Variants in NUDCD1 observed in about 807,000 individuals in gnomAD.
NUDCD1 encodes the protein NudC domain containing 1, also known as nudC domain-containing protein 1.
In NUDCD1, 60 loss-of-function variants were observed where a neutral mutation model predicts 67.8. That is an observed-to-expected ratio of 0.88 (90% CI 0.72 to 1.10). The LOEUF is 1.10. NUDCD1 is among the 50% of genes least tolerant of loss of function. The probability of loss-of-function intolerance (pLI) is 0.00; values close to 1 mark genes in which losing one functional copy is unlikely to be tolerated. For missense variants in NUDCD1, 643 were observed against 695.0 expected (o/e 0.93, Z 0.84); for synonymous variants, 244 against 230.8 (o/e 1.06, Z -0.52).
chr8:109,282,832 TAA>T lies in NUDCD1; in HGVS notation c.824-1662_824-1661del, dbSNP rs1563670805. Among the ~76,000 whole-genome samples, 5 of 139,938 alleles carry T rather than the reference TAA, an allele frequency of 3.6e-5. No homozygotes were observed. In the South Asian group the frequency reaches 1.1e-3, roughly 31 times the overall value. 91.8% of individuals were successfully genotyped at this position (139,938 alleles called of 152,430 possible). On this transcript the variant is annotated intron_variant, in intron 5 of 9. Coordinates refer to ENST00000239690, the MANE Select transcript of NUDCD1 (RefSeq NM_032869.4). ...TGTATCCCAGAACTTAAAAGTACAATAAAAAAATTCCAAAAAAAAAAAGAAAC... is the reference window on the plus strand; with the variant it reads ...TGTATCCCAGAACTTAAAAGTACAATAAAAATTCCAAAAAAAAAAAGAAAC...
intron 2 of NUDCD1, among the ~76,000 whole-genome samples, chr8:109,312,984 CCCT>C (rs1815291989): frequency 6.6e-6 from 1 of 152,190 alleles, no homozygotes; most frequent in South Asian, 2.1e-4. Context: ...GTCTAGTCTT[CCCT>C]CCTTCTAGGT....
intron 2 of NUDCD1, among the ~76,000 whole-genome samples, chr8:109,319,799 G>A (rs1472355311): frequency 6.6e-6 from 1 of 152,186 alleles, no homozygotes; most frequent in Non-Finnish European, 1.5e-5. Context: ...CATTTCATCA[G>A]GGAGCCTGCC....
intron 2 of NUDCD1, among the ~76,000 whole-genome samples, chr8:109,300,340 A>T (rs1167703549): frequency 1.2e-5 from 1 of 85,842 alleles, no homozygotes; most frequent in East Asian, 2.7e-4. Context: ...CAACGTAAGG[A>T]AACAAAAAAA....
chr8:109,266,588 T>C (rs1009698775), intron 8 of NUDCD1, among the ~76,000 whole-genome samples: 1 of 152,102 alleles, frequency 6.6e-6, no homozygotes, highest in African/African-American at 2.4e-5. Flanking sequence ...TTTCAAAATC[T>C]GGTTGTGTAT....
chr8:109,267,714 C>T (rs185619710), intron 8 of NUDCD1, among the ~76,000 whole-genome samples: 1 of 152,258 alleles, frequency 6.6e-6, no homozygotes, highest in East Asian at 1.9e-4. Flanking sequence ...ATAGTTAAAA[C>T]AGTATGTACA....
In NUDCD1 at chr8:109,252,468, A is replaced by G. The variant is rs78414578; in HGVS notation, c.1300-6987T>C. Among the ~76,000 whole-genome samples, 563 of 152,188 alleles carry G rather than the reference A, an allele frequency of 3.7e-3. 11 individuals are homozygous for G. In the East Asian group the frequency reaches 0.043, roughly 12 times the overall value. On this transcript the variant is annotated intron_variant, in intron 8 of 9. Coordinates refer to ENST00000239690, the MANE Select transcript of NUDCD1 (RefSeq NM_032869.4). ...GCTGATACTTAAAAAAAAACAGTGCAGGCAAGACTTCATACTTTTCCCACA... is the reference window on the plus strand; with the variant it reads ...GCTGATACTTAAAAAAAAACAGTGCGGGCAAGACTTCATACTTTTCCCACA...
At chr8:109,272,408 G>T (rs1248918855) in intron 7 of NUDCD1, among the ~76,000 whole-genome samples, 1 of 151,118 alleles carries the variant, frequency 6.6e-6, no homozygotes, top group Admixed American at 6.6e-5. Flanking sequence ...TACCCAAACA[G>T]AAACATTGAA....
chr8:109,254,193 A>AT (rs1264855606), intron 8 of NUDCD1, among the ~76,000 whole-genome samples: 2 of 152,176 alleles, frequency 1.3e-5, no homozygotes, highest in Non-Finnish European at 2.9e-5. Context: ...CACAAAAGAC[A>AT]TTTTTTTAAA....
At chr8:109,266,450 TAGCCAGGATGGTCTCG>T (rs1466874376) in intron 8 of NUDCD1, among the ~76,000 whole-genome samples, 1 of 148,684 alleles carries the variant, frequency 6.7e-6, no homozygotes, top group East Asian at 2.0e-4. Context: ...TTCACTGTGT[TAGCCAGGATGGTCTCG>T]ATTTCCTGAC....
At chr8:109,308,910 T>C (rs111258154) in intron 2 of NUDCD1, among the ~76,000 whole-genome samples, 10,729 of 150,498 alleles carry the variant, frequency 0.071, 1,252 homozygotes, top group African/African-American at 0.24. Flanking sequence ...AGGCAGAGCT[T>C]GCAGTGAGCC....
chr8:109,317,764 A>C (rs1229969418), intron 2 of NUDCD1, among the ~76,000 whole-genome samples: 2 of 152,198 alleles, frequency 1.3e-5, no homozygotes, highest in African/African-American at 4.8e-5. Flanking sequence ...TATGCCAGTA[A>C]TATCTCTTTA....
rs1281709689 is a variant in NUDCD1 at position 109,333,980 on chromosome 8, C to T, written c.31G>A (p.Val11Met). ...CGGGGATCCAACAGAGGTCTCTTCA[C>T]CCGTAGGGAGCAATTAGCCGCCACC... MEVAANCSLR[V>M]KRPLLDPRFE... Residue 11 changes from valine (V) to methionine (M), a missense_variant, in exon 1 of 10, where the codon GTG (valine) becomes ATG (methionine). Val to Met is a conservative substitution (Grantham distance 21). Coordinates refer to ENST00000239690, the MANE Select transcript of NUDCD1 (RefSeq NM_032869.4). 2 of 1,614,068 alleles carry T rather than the reference C, an allele frequency of 1.2e-6. No homozygotes were observed. Among genetic ancestry groups the T allele is most frequent in the South Asian group, 1.1e-5 (1 of 91,090 alleles).
At chr8:109,268,506 G>T (rs1814058513) in intron 8 of NUDCD1, among the ~76,000 whole-genome samples, 1 of 152,114 alleles carries the variant, frequency 6.6e-6, no homozygotes, top group African/African-American at 2.4e-5. Context: ...ATGAAGAAAG[G>T]TATCATAAAC....
intron 1 of NUDCD1, among the ~76,000 whole-genome samples, chr8:109,329,347 A>T (rs780154808): frequency 6.6e-6 from 1 of 152,152 alleles, no homozygotes; most frequent in African/African-American, 2.4e-5. Flanking sequence ...GATAAAAACT[A>T]TATGTCCGCA....
intron 8 of NUDCD1, among the ~76,000 whole-genome samples, chr8:109,259,142 C>A (rs993615379): frequency 6.6e-6 from 1 of 152,122 alleles, no homozygotes; most frequent in Admixed American, 6.5e-5. Context: ...AAGCAAATAA[C>A]GCAAATAACC....
chr8:109,296,995 G>C (rs1814858776), intron 2 of NUDCD1, among the ~76,000 whole-genome samples: 1 of 152,136 alleles, frequency 6.6e-6, no homozygotes, highest in Non-Finnish European at 1.5e-5. Flanking sequence ...TGCAGCCCTG[G>C]CTATCGTTTT....
rs917977917 is a variant in NUDCD1, at chr8:109,323,331, T to C, written c.119-868A>G. 6.6e-5 allele frequency among the ~76,000 whole-genome samples: 10 copies of C among 152,210 alleles called. 1 individual carries two copies. The highest frequency in any genetic ancestry group is 6.5e-4 in the Admixed American group (10 of 15,284). On this transcript the variant is annotated intron_variant, in intron 1 of 9. Coordinates refer to ENST00000239690, the MANE Select transcript of NUDCD1 (RefSeq NM_032869.4). ...CACTTCCAATACCTGCTTTGAGTCC[T>C]GTCTGACTTATATTCATTTATACAG...
intron 9 of NUDCD1, among the ~76,000 whole-genome samples, chr8:109,243,941 G>GA (rs1285834207): frequency 2.6e-5 from 4 of 151,780 alleles, no homozygotes; most frequent in Non-Finnish European, 4.4e-5. Flanking sequence ...TCTCTAAACT[G>GA]AAAAAAATCC....
intron 1 of NUDCD1, among the ~76,000 whole-genome samples, chr8:109,329,162 GA>G (rs1403446532): frequency 6.6e-6 from 1 of 151,840 alleles, no homozygotes; most frequent in Non-Finnish European, 1.5e-5. Flanking sequence ...CTAAAGGCAT[GA>G]AAATGGAAAC....
Sources: gnomAD v4.1 joint callset for allele counts (sites outside exome capture counted in the v4.1 genomes callset) on GRCh38, gnomAD v4.1.1 for gene constraint, MANE v1.5 for transcripts, NCBI Gene and HGNC (gene_info 2026-07-23, HGNC 2026-07-21) for gene names.